TBC1D19: variants seen among roughly 807,000 people sequenced by gnomAD.
TBC1D19 encodes the protein TBC1 domain family, member 19.
TBC1D19 carries 60 observed loss-of-function variants against 89.0 expected under a neutral mutation model. That is an observed-to-expected ratio of 0.67 (90% CI 0.55 to 0.84). The LOEUF (loss-of-function observed/expected upper bound fraction) is 0.84, where lower values mean the gene tolerates loss of function less well. Ranked by LOEUF, TBC1D19 falls within the 40% of genes least tolerant of loss-of-function variation. The pLI is 0.00. For missense variants in TBC1D19, 500 were observed against 610.8 expected, an observed-to-expected ratio of 0.82 and a Z score of 1.91; for synonymous variants, 189 against 199.7, an observed-to-expected ratio of 0.95 and a Z score of 0.45.
At chr4:26,813,673 T>C in the TBC1D19 span, among the ~76,000 whole-genome samples, 1 of 152,188 alleles carries the variant, frequency 6.6e-6, no homozygotes, top group Non-Finnish European at 1.5e-5. Context: ...AACTGAATTT[T>C]GTGTTAGGTA....
At chr4:26,825,127 T>G in the TBC1D19 span, among the ~76,000 whole-genome samples, 1 of 150,714 alleles carries the variant, frequency 6.6e-6, no homozygotes, top group African/African-American at 2.5e-5. Flanking sequence ...TGAGACAGAG[T>G]CTCACTCTGT....
At chr4:26,807,391 C>A in the TBC1D19 span, among the ~76,000 whole-genome samples, 1 of 152,194 alleles carries the variant, frequency 6.6e-6, no homozygotes, top group Non-Finnish European at 1.5e-5. Flanking sequence ...TTCTGAGTGT[C>A]CCCCACGGGC....
chr4:26,827,779 A>G, the TBC1D19 span, among the ~76,000 whole-genome samples: 8 of 150,266 alleles, frequency 5.3e-5, no homozygotes, highest in African/African-American at 2.0e-4. Context: ...GCCTATTTAC[A>G]GGTGCAATAA....
At chr4:26,692,315 G>C (rs1218634170) in intron 13 of TBC1D19, among the ~76,000 whole-genome samples, 2 of 152,200 alleles carry the variant, frequency 1.3e-5, no homozygotes, top group Non-Finnish European at 2.9e-5. Context: ...ATAGGGCAGA[G>C]ATCTGGCCCA....
At chr4:26,694,381 G>C (rs1714579612) in intron 13 of TBC1D19, among the ~76,000 whole-genome samples, 1 of 152,202 alleles carries the variant, frequency 6.6e-6, no homozygotes. Context: ...GCTTGAGTAG[G>C]TAAACAAAGT....
intron 7 of TBC1D19, among the ~76,000 whole-genome samples, chr4:26,650,738 T>C (rs1744305913): frequency 6.6e-6 from 1 of 152,248 alleles, no homozygotes; most frequent in Non-Finnish European, 1.5e-5. Flanking sequence ...TTTGTCAATT[T>C]TGGCTTTTGT....
intron 15 of TBC1D19, among the ~76,000 whole-genome samples, chr4:26,722,169 C>G (rs1449410385): frequency 1.3e-5 from 2 of 152,090 alleles, no homozygotes; most frequent in African/African-American, 4.8e-5. Context: ...TTTATTTGAA[C>G]TCAATTAGAG....
the TBC1D19 span, among the ~76,000 whole-genome samples, chr4:26,845,553 G>C: frequency 6.6e-6 from 1 of 152,006 alleles, no homozygotes; most frequent in African/African-American, 2.4e-5. Flanking sequence ...CCCTGACCTT[G>C]GCAACCACTA....
rs193123988 is a variant in TBC1D19 at position 26,742,430 on chromosome 4, A to T, written c.1228-78A>T. The T allele has an allele frequency of 1.1e-3, 1,376 of 1,220,798 alleles. 1 individual carries two copies. Among genetic ancestry groups the T allele is most frequent in the Non-Finnish European group, 1.4e-3 (1,219 of 879,490 alleles). The allele number at this position is 1,220,798 out of a possible 1,614,324, so 75.6% of individuals were successfully genotyped here. On this transcript the variant is annotated intron_variant, in intron 17 of 20. Transcript: ENST00000264866. ...TTATGTTGATAGTTTCTCATTTTCC[A>T]TTTGAATAATTTGTTGGCATAGTTA... is the stretch of plus-strand genomic sequence containing the variant.
chr4:26,848,649 AT>A, the TBC1D19 span, among the ~76,000 whole-genome samples: 1 of 152,222 alleles, frequency 6.6e-6, no homozygotes, highest in Non-Finnish European at 1.5e-5. Context: ...CAGCCAAAAA[AT>A]AAATGCCATT....
chr4:26,716,952 C>T (rs1716665233), intron 13 of TBC1D19, among the ~76,000 whole-genome samples: 1 of 151,964 alleles, frequency 6.6e-6, no homozygotes, highest in African/African-American at 2.4e-5. Flanking sequence ...AGCCAATACT[C>T]TGTATTTCTA....
At chr4:26,809,767 C>G in the TBC1D19 span, among the ~76,000 whole-genome samples, 1 of 152,158 alleles carries the variant, frequency 6.6e-6, no homozygotes, top group East Asian at 1.9e-4. Context: ...AGGATTAGCT[C>G]CTGGTGCTTC....
chr4:26,668,267 T>G (rs112766669), intron 9 of TBC1D19, among the ~76,000 whole-genome samples: 169 of 152,146 alleles, frequency 1.1e-3, no homozygotes, highest in African/African-American at 3.9e-3. Context: ...TATATTTTTA[T>G]TTTTTACTTT....
chr4:26,641,828 A>G (rs2110081290), intron 7 of TBC1D19, among the ~76,000 whole-genome samples: 1 of 152,358 alleles, frequency 6.6e-6, no homozygotes, highest in East Asian at 1.9e-4. Flanking sequence ...AAAGGGTATC[A>G]GTGATTGAAG....
chr4:26,817,257 A>G, the TBC1D19 span, among the ~76,000 whole-genome samples: 1 of 152,324 alleles, frequency 6.6e-6, no homozygotes, highest in East Asian at 1.9e-4. Context: ...TCTTGACTCA[A>G]TGATCAGTCA....
At chr4:26,814,218 G>A in the TBC1D19 span, among the ~76,000 whole-genome samples, 1 of 152,190 alleles carries the variant, frequency 6.6e-6, no homozygotes, top group Non-Finnish European at 1.5e-5. Flanking sequence ...CAAGAGGCTT[G>A]AATTGAGGAT....
chr4:26,640,736 G>A (rs553769600), intron 7 of TBC1D19, among the ~76,000 whole-genome samples: 1 of 152,260 alleles, frequency 6.6e-6, no homozygotes, highest in South Asian at 2.1e-4. Context: ...CTTAGCAAAC[G>A]GCACACCAGG....
chr4:26,590,794 C>CCGTTTTTTTT (rs1560400025), intron 1 of TBC1D19, among the ~76,000 whole-genome samples: 2 of 31,792 alleles, frequency 6.3e-5, no homozygotes, highest in East Asian at 2.7e-3. Context: ...TCTTGCAGGT[C>CCGTTTTTTTT]TGTTTTTTTT....
chr4:26,833,402 T>C, the TBC1D19 span, among the ~76,000 whole-genome samples: 1 of 152,318 alleles, frequency 6.6e-6, no homozygotes, highest in Middle Eastern at 3.4e-3. Flanking sequence ...CATAGAGTCA[T>C]GAAGTCATAT....
Sources: gnomAD v4.1 joint callset for allele counts (sites outside exome capture counted in the v4.1 genomes callset) on GRCh38, gnomAD v4.1.1 for gene constraint, MANE v1.5 for transcripts, NCBI Gene and HGNC (gene_info 2026-07-23, HGNC 2026-07-21) for gene names.